Variants in NUP188 observed in about 807,000 individuals in gnomAD.
NUP188 encodes the protein nucleoporin NUP188.
A neutral mutation model predicts 223.0 loss-of-function variants in NUP188; 97 were observed. The observed-to-expected ratio is 0.43, with a 90% confidence interval of 0.37 to 0.51. The LOEUF is 0.51. Among genes scored for constraint, NUP188 ranks in the 20% least tolerant of loss-of-function variants. NUP188 has a pLI of 0.00. For synonymous variants in NUP188, 869 were observed against 828.0 expected, an observed-to-expected ratio of 1.05 and a Z score of -0.85; for missense variants, 1,947 against 2,175.6, an observed-to-expected ratio of 0.89 and a Z score of 2.09.
Position 128,987,723 on chromosome 9 carries a change from G to T in NUP188, c.2393+6G>T, listed in dbSNP as rs41316518. On this transcript the variant is annotated splice_donor_region_variant and intron_variant, in intron 23 of 43. Transcript: ENST00000372577. ...ATGGCTGCTCAGCCTCGAAGGTAGGGCTCCTTCTCCACGTTCCCTTTGTCT... is the reference window on the plus strand; with the variant it reads ...ATGGCTGCTCAGCCTCGAAGGTAGGTCTCCTTCTCCACGTTCCCTTTGTCT... The T allele has an allele frequency of 9.1e-3, 14,706 of 1,611,688 alleles. 73 individuals carry two copies. The highest frequency in any genetic ancestry group is 0.011 in the Non-Finnish European group (13,494 of 1,179,194).
chr9:128,991,147 C>T, intron 25 of NUP188, among the ~76,000 whole-genome samples: 1 of 151,112 alleles, frequency 6.6e-6, no homozygotes, highest in Non-Finnish European at 1.5e-5. Flanking sequence ...GGGGGATATG[C>T]CATGCTCCAG....
intron 12 of NUP188, among the ~76,000 whole-genome samples, chr9:128,977,948 C>G (rs1842202491): frequency 6.6e-6 from 1 of 152,142 alleles, no homozygotes; most frequent in Admixed American, 6.6e-5. Flanking sequence ...TACTTATAAT[C>G]CTACTTTGAA....
Position 129,001,600 on chromosome 9 carries a change from G to C in NUP188, c.3915G>C (p.Gln1305His). Reference protein sequence around the residue: ...EVDEDGDSWLQVTRRLPILPT... With the variant: ...EVDEDGDSWLHVTRRLPILPT... The stretch of plus-strand genomic sequence containing the variant: ...ACGAGGATGGTGACTCCTGGCTGCA[G>C]GTAACCCGCAGGCTCCCCATCCTAC... Residue 1305 changes from glutamine (Q) to histidine (H), a missense_variant, in exon 35 of 44, where the codon CAG (glutamine) becomes CAC (histidine). By Grantham distance (24) the Gln-to-His change is conservative. Transcript: ENST00000372577. 1 of 1,614,082 alleles carries C rather than the reference G, an allele frequency of 6.2e-7. No individual in the cohort carries two copies. Among genetic ancestry groups the C allele is most frequent in the East Asian group, 2.2e-5 (1 of 44,880 alleles).
intron 25 of NUP188, among the ~76,000 whole-genome samples, chr9:128,991,142 A>T (rs1842420103): frequency 6.6e-6 from 1 of 150,498 alleles, no homozygotes; most frequent in African/African-American, 2.4e-5. Context: ...GGGCAGGGGG[A>T]TATGCCATGC....
rs372114621 is a variant in NUP188 at position 128,987,736 on chromosome 9, G to A, written c.2393+19G>A. The A allele has an allele frequency of 1.8e-5, 29 of 1,608,260 alleles. No homozygotes were observed. The highest frequency in any genetic ancestry group is 9.4e-5 in the African/African-American group (7 of 74,690). The stretch of plus-strand genomic sequence containing the variant: ...CTCGAAGGTAGGGCTCCTTCTCCAC[G>A]TTCCCTTTGTCTGTCTTTATTGTGC... On this transcript the variant is annotated intron_variant, in intron 23 of 43. Coordinates refer to ENST00000372577, the MANE Select transcript of NUP188 (RefSeq NM_015354.3).
intron 8 of NUP188, among the ~76,000 whole-genome samples, chr9:128,961,954 T>G (rs1841961540): frequency 1.4e-5 from 2 of 147,438 alleles, no homozygotes; most frequent in Non-Finnish European, 3.0e-5. Flanking sequence ...TTTTTTTTTT[T>G]GGACGGAGTT....
At chr9:128,965,457 A>G (rs1842014667) in intron 8 of NUP188, among the ~76,000 whole-genome samples, 1 of 152,046 alleles carries the variant, frequency 6.6e-6, no homozygotes, top group South Asian at 2.1e-4. Context: ...CTTTATTAAA[A>G]AAAATTTTTT....
intron 22 of NUP188, 77 bp downstream of exon 22, chr9:128,986,952 G>A (rs1405894949): frequency 4.5e-6 from 6 of 1,321,282 alleles, no homozygotes; most frequent in Admixed American, 1.9e-5. Context: ...AGCCGTCTCA[G>A]TTCTTCCAGA....
chr9:128,960,086 CAG>C (rs988160189), intron 8 of NUP188, among the ~76,000 whole-genome samples: 5 of 108,432 alleles, frequency 4.6e-5, no homozygotes, highest in Admixed American at 2.3e-4. Context: ...TTTTTTGAGA[CAG>C]AGTCTCACTC....
In NUP188 at chr9:128,994,897, T is replaced by G. The variant is rs1246101739; in HGVS notation, c.3129T>G (p.Ile1043Met). The change falls in exon 29 of 44, where the codon ATT becomes ATG. Residue 1043 changes from isoleucine (I) to methionine (M), a missense_variant. Around this residue, in one of 3 missense-constraint regions of NUP188, gnomAD observed 905 missense variants for 990.6 expected, o/e 0.91. Transcript: ENST00000372577. ...LETCALIMKI[I>M]CLEIYYVVKG... ...CCTGTGCCCTAATCATGAAGATAAT[T>G]TGCTTGGAGATATACTATGTAGTAA... 1 of 1,613,704 alleles carries G rather than the reference T, an allele frequency of 6.2e-7. No individual in the cohort carries two copies. Among genetic ancestry groups the G allele is most frequent in the Non-Finnish European group, 8.5e-7 (1 of 1,179,614 alleles).
rs377536629 is a variant in NUP188, at chr9:128,982,623, C to T, written c.1591C>T (p.Arg531Cys). The T allele has an allele frequency of 1.1e-5, 18 of 1,613,980 alleles. No individual in the cohort carries two copies. Among genetic ancestry groups the T allele is most frequent in the South Asian group, 4.4e-5 (4 of 91,082 alleles). ...GTTGGATGATAGGGCATACCTGGTA[C>T]GCTGGGAATACTCCTATAGCAGCTG... ...VMLDDRAYLVRWEYSYSSWTL... is the reference protein window; with the variant it reads ...VMLDDRAYLVCWEYSYSSWTL... Residue 531 changes from arginine to cysteine, a missense_variant, in exon 16 of 44, where the codon CGC becomes TGC. Around this residue, in one of 3 missense-constraint regions of NUP188, gnomAD observed 817 missense variants for 865.8 expected, o/e 0.94. Transcript: ENST00000372577.
At chr9:128,973,276 T>C (rs1198261151) in intron 12 of NUP188, 27 bp downstream of exon 12, 2 of 1,551,090 alleles carry the variant, frequency 1.3e-6, no homozygotes, top group East Asian at 4.5e-5. Context: ...CATGAAGCTG[T>C]CTCTACTGCC....
intron 12 of NUP188, among the ~76,000 whole-genome samples, chr9:128,979,056 G>GTTTAT (rs1842218980): frequency 1.3e-5 from 2 of 152,216 alleles, no homozygotes; most frequent in East Asian, 1.9e-4. Context: ...ATATTAAGGT[G>GTTTAT]TTTATTTTAT....
At position 129,005,503 on chromosome 9, in the gene NUP188, A is replaced by G. The variant is rs1215089491; in HGVS notation, c.4710A>G (p.Pro1570=). The change falls in exon 40 of 44, where the codon CCA becomes CCG. Residue 1570 remains proline (P), a synonymous_variant. Coordinates refer to ENST00000372577, the MANE Select transcript of NUP188 (RefSeq NM_015354.3). ...KTLAALRHFT[P]DVCQILLDQS... Reference sequence around the variant, plus strand: ...TGGCAGCCCTGCGCCACTTCACCCCAGATGTCTGCCAGATTCTGCTGGATC... The same window carrying G: ...TGGCAGCCCTGCGCCACTTCACCCCGGATGTCTGCCAGATTCTGCTGGATC... 2 of 1,606,498 alleles carry G rather than the reference A, an allele frequency of 1.2e-6. No individual in the cohort carries two copies. The highest frequency in any genetic ancestry group is 3.3e-5 in the Admixed American group (2 of 60,004).
chr9:129,003,595 G>C (rs1481751108), intron 38 of NUP188, 141 bp downstream of exon 38: 3 of 978,622 alleles, frequency 3.1e-6, no homozygotes, highest in East Asian at 2.4e-5. Context: ...AGGGTTTGCT[G>C]TCATGTGCTT....
intron 34 of NUP188, 62 bp from the exon 35 acceptor site, chr9:129,001,467 C>G: frequency 1.3e-6 from 2 of 1,543,298 alleles, no homozygotes; most frequent in South Asian, 2.2e-5. Context: ...CCACCGCTGC[C>G]TGTCGTCCTC....
At chr9:128,985,967 A>T (rs1842327561) in intron 20 of NUP188, among the ~76,000 whole-genome samples, 1 of 152,100 alleles carries the variant, frequency 6.6e-6, no homozygotes, top group African/African-American at 2.4e-5. Flanking sequence ...TGAACCTGGG[A>T]GGCGGAGGTT....
intron 16 of NUP188, 38 bp from the exon 17 acceptor site, chr9:128,982,864 T>G: frequency 3.1e-6 from 5 of 1,612,726 alleles, no homozygotes; most frequent in Non-Finnish European, 4.2e-6. Flanking sequence ...CTTAAAGGGG[T>G]TGTTTGCCGT....
chr9:128,958,970 T>G, intron 7 of NUP188, 45 bp from the exon 8 acceptor site: 8 of 1,429,114 alleles, frequency 5.6e-6, no homozygotes, highest in Non-Finnish European at 7.6e-6. Flanking sequence ...ATTTGAATAT[T>G]TACCTTTTAT....
Sources: gnomAD v4.1 joint callset for allele counts (sites outside exome capture counted in the v4.1 genomes callset) on GRCh38, gnomAD v4.1.1 for gene constraint, gnomAD v4.1.1 regional missense constraint, MANE v1.5 for transcripts, NCBI Gene and HGNC (gene_info 2026-07-23, HGNC 2026-07-21) for gene names.